Variants in EDAR observed in about 807,000 individuals in gnomAD.
EDAR encodes the protein tumor necrosis factor receptor superfamily member EDAR.
In EDAR, 38 loss-of-function variants were observed where a neutral mutation model predicts 51.3. That is an observed-to-expected ratio of 0.74 (90% CI 0.57 to 0.97). The LOEUF (loss-of-function observed/expected upper bound fraction) is 0.97. Ranked by LOEUF, EDAR falls within the 50% of genes least tolerant of loss-of-function variation. The pLI is 0.00. For missense variants in EDAR, 528 were observed against 595.0 expected (o/e 0.89, Z 1.17); for synonymous variants, 227 against 242.1 (o/e 0.94, Z 0.58).
chr2:108,949,880 G>A (rs1289536194), intron 1 of EDAR, among the ~76,000 whole-genome samples: 1 of 152,210 alleles, frequency 6.6e-6, no homozygotes, highest in African/African-American at 2.4e-5. Flanking sequence ...CGAGTAATAT[G>A]TCCCTTCCAA....
At position 108,911,080 on chromosome 2, in the gene EDAR, T is replaced by C. The variant is rs1278868779; in HGVS notation, c.530-8A>G. On this transcript the variant is annotated splice_polypyrimidine_tract_variant and splice_region_variant and intron_variant, in intron 6 of 11. Coordinates refer to ENST00000258443, the MANE Select transcript of EDAR (RefSeq NM_022336.4). The stretch of plus-strand genomic sequence containing the variant: ...GTCCTTGGCCTGAGAGTTCTGTGGG[T>C]GGAGAGAAGGCATGAATGACCCAGA... The C allele has an allele frequency of 6.2e-7, 1 of 1,614,028 alleles. No homozygotes were observed. The highest frequency in any genetic ancestry group is 8.5e-7 in the Non-Finnish European group (1 of 1,180,000).
intron 1 of EDAR, among the ~76,000 whole-genome samples, chr2:108,973,795 C>T (rs1698274745): frequency 6.6e-6 from 1 of 152,194 alleles, no homozygotes; most frequent in African/African-American, 2.4e-5. Context: ...CATCAGAGTT[C>T]TCAAAGGCCC....
At chr2:108,952,409 A>G (rs1219411509) in intron 1 of EDAR, among the ~76,000 whole-genome samples, 1 of 152,222 alleles carries the variant, frequency 6.6e-6, no homozygotes, top group East Asian at 1.9e-4. Flanking sequence ...GACATGATGA[A>G]ATTTTTAAAA....
At chr2:108,907,725 C>T in intron 10 of EDAR, 135 bp downstream of exon 10, 1 of 995,898 alleles carries the variant, frequency 1.0e-6, no homozygotes, top group Non-Finnish European at 1.6e-6. Flanking sequence ...TTGTCACTGT[C>T]CAGGTCTCCT....
intron 1 of EDAR, among the ~76,000 whole-genome samples, chr2:108,985,100 GTTGGCAGAATCAACTC>G (rs1399989180): frequency 6.6e-6 from 1 of 152,164 alleles, no homozygotes. Flanking sequence ...TTAAGGTGTT[GTTGGCAGAATCAACTC>G]TTTTTTATTT....
At chr2:108,897,538 T>G (rs1034783322) in intron 11 of EDAR, among the ~76,000 whole-genome samples, 1 of 152,170 alleles carries the variant, frequency 6.6e-6, no homozygotes, top group Non-Finnish European at 1.5e-5. Flanking sequence ...TCTCAAAGAC[T>G]TCAAGACAAG....
chr2:108,918,470 C>T (rs914583091), intron 5 of EDAR, among the ~76,000 whole-genome samples: 1 of 152,194 alleles, frequency 6.6e-6, no homozygotes, highest in East Asian at 1.9e-4. Flanking sequence ...TGTACACTTC[C>T]GTGTGCACCT....
intron 1 of EDAR, among the ~76,000 whole-genome samples, chr2:108,980,787 G>C (rs188531090): frequency 1.3e-5 from 2 of 152,152 alleles, no homozygotes; most frequent in Non-Finnish European, 2.9e-5. Flanking sequence ...GGCCAGAGTG[G>C]GGTCACGGTG....
intron 4 of EDAR, among the ~76,000 whole-genome samples, chr2:108,924,007 C>A (rs1697202394): frequency 6.6e-6 from 1 of 152,260 alleles, no homozygotes; most frequent in African/African-American, 2.4e-5. Context: ...GAGGTCAATG[C>A]AGGTGGCCCT....
chr2:108,953,631 G>C (rs182527723), intron 1 of EDAR, among the ~76,000 whole-genome samples: 1 of 152,236 alleles, frequency 6.6e-6, no homozygotes, highest in Admixed American at 6.5e-5. Flanking sequence ...ACAACCAGAT[G>C]ATTTTCTAGG....
At chr2:108,901,497 A>G (rs1476644693) in intron 11 of EDAR, among the ~76,000 whole-genome samples, 1 of 152,240 alleles carries the variant, frequency 6.6e-6, no homozygotes, top group Admixed American at 6.5e-5. Flanking sequence ...AATGAAATTG[A>G]AAACTATAAA....
chr2:108,930,670 A>G (rs1426065590), intron 2 of EDAR, among the ~76,000 whole-genome samples: 2 of 152,142 alleles, frequency 1.3e-5, no homozygotes, highest in Non-Finnish European at 2.9e-5. Context: ...CGCGGCCCCC[A>G]AGCATGAGCT....
rs141884617 is a variant in EDAR, at chr2:108,918,798, G to A, written c.442+4570C>T. Among the ~76,000 whole-genome samples, 1,196 of 152,294 alleles carry A rather than the reference G, an allele frequency of 7.9e-3. 18 individuals are homozygous for A. The highest frequency in any genetic ancestry group is 0.028 in the African/African-American group (1,143 of 41,558). On this transcript the variant is annotated intron_variant, in intron 5 of 11. Transcript: ENST00000258443. ...ATCCACACAATTTAGAATCTCACCA[G>A]TATGCATTAGAGGCTGGCTGGGATT...
intron 1 of EDAR, among the ~76,000 whole-genome samples, chr2:108,970,704 A>G (rs1432366796): frequency 6.6e-6 from 1 of 152,324 alleles, no homozygotes; most frequent in East Asian, 1.9e-4. Flanking sequence ...CATAAGGTAG[A>G]AAGAATAAAA....
Position 108,938,459 on chromosome 2 carries a change from G to A in EDAR, c.-18-7427C>T, listed in dbSNP as rs918327306. Reference sequence around the variant, plus strand: ...GCATTTCCCGCAGTTTGTGGTGCTCGGGTGCTCTGCACTCTTGGAGGATTG... The same window carrying A: ...GCATTTCCCGCAGTTTGTGGTGCTCAGGTGCTCTGCACTCTTGGAGGATTG... On this transcript the variant is annotated intron_variant, in intron 1 of 11. Coordinates refer to ENST00000258443, the MANE Select transcript of EDAR (RefSeq NM_022336.4). 5.9e-5 allele frequency among the ~76,000 whole-genome samples: 9 copies of A among 152,250 alleles called. No individual in the cohort carries two copies. The South Asian group carries it at 1.7e-3, about 28-fold the overall frequency.
At chr2:108,967,231 G>A (rs1274353786) in intron 1 of EDAR, among the ~76,000 whole-genome samples, 1 of 152,112 alleles carries the variant, frequency 6.6e-6, no homozygotes, top group African/African-American at 2.4e-5. Context: ...CACTGCACCC[G>A]GCCAAATTAT....
At chr2:108,897,524 C>T (rs1200282022) in intron 11 of EDAR, among the ~76,000 whole-genome samples, 1 of 152,102 alleles carries the variant, frequency 6.6e-6, no homozygotes, top group East Asian at 1.9e-4. Flanking sequence ...CCATTTTTAG[C>T]AGTTCTCAAA....
At chr2:108,965,602 C>T (rs889316529) in intron 1 of EDAR, among the ~76,000 whole-genome samples, 1 of 152,100 alleles carries the variant, frequency 6.6e-6, no homozygotes, top group Admixed American at 6.5e-5. Context: ...GCTCTACTGG[C>T]TTTGGGTCTT....
At chr2:108,978,212 T>C (rs1418015877) in intron 1 of EDAR, among the ~76,000 whole-genome samples, 1 of 152,186 alleles carries the variant, frequency 6.6e-6, no homozygotes, top group Non-Finnish European at 1.5e-5. Flanking sequence ...GCATATCTTT[T>C]AGGAACTCAT....
Sources: gnomAD v4.1 joint callset for allele counts (sites outside exome capture counted in the v4.1 genomes callset) on GRCh38, gnomAD v4.1.1 for gene constraint, MANE v1.5 for transcripts, NCBI Gene and HGNC (gene_info 2026-07-23, HGNC 2026-07-21) for gene names.